The following ASB9 variants were observed in gnomAD, a reference collection of about 807,000 sequenced individuals.
ASB9 encodes ankyrin repeat and SOCS box protein 9.
A neutral mutation model predicts 16.6 loss-of-function variants in ASB9; 5 were observed. The observed-to-expected ratio is 0.30, with a 90% CI of 0.16 to 0.63. The LOEUF (loss-of-function observed/expected upper bound fraction) is 0.63, where lower values mean the gene tolerates loss of function less well. Ranked by LOEUF, ASB9 falls within the 30% of genes least tolerant of loss-of-function variation. The probability of loss-of-function intolerance (pLI) is 0.82; values close to 1 mark genes in which losing one functional copy is unlikely to be tolerated. For synonymous variants in ASB9, 100 were observed against 86.4 expected (o/e 1.16, Z -0.87); for missense variants, 216 against 229.4 (o/e 0.94, Z 0.38).
chrX:15,259,810 C>T (rs1925839202), intron 1 of ASB9, among the ~76,000 whole-genome samples: 1 of 112,510 alleles, frequency 8.9e-6, no homozygotes, highest in Non-Finnish European at 1.9e-5. Context: ...GTTTCATGCA[C>T]AAACTTATTT....
chrX:15,250,111 T>A (rs986259615), intron 5 of ASB9, among the ~76,000 whole-genome samples: 17 of 111,675 alleles, frequency 1.5e-4, no homozygotes, highest in African/African-American at 5.5e-4. Context: ...CAGGGCTTAA[T>A]AATGTGACTG....
At position 15,270,081 on chromosome X, in the gene ASB9, T is replaced by TACACACACACACACAC. The variant is rs370190376; in HGVS notation, c.-208_-207insGTGTGTGTGTGTGTGT. The TACACACACACACACAC allele has an allele frequency of 2.9e-3, 861 of 294,588 alleles. 8 individuals are homozygous for TACACACACACACACAC. Among genetic ancestry groups the TACACACACACACACAC allele is most frequent in the African/African-American group, 0.024 (793 of 32,537 alleles). The allele number at this position is 294,588 out of a possible 1,213,427, so 24.3% of individuals were successfully genotyped here. ...GATCAGAGAGAGGCATGCGCTCGTG[T>TACACACACACACACAC]ACACACACACACACACACACACACA... On this transcript the variant is annotated 5_prime_UTR_variant, in exon 1 of 7. Coordinates refer to ENST00000380488, the MANE Select transcript of ASB9 (RefSeq NM_001031739.3).
intron 6 of ASB9, among the ~76,000 whole-genome samples, chrX:15,246,347 T>C (rs982631857): frequency 3.6e-5 from 4 of 112,536 alleles, no homozygotes. Flanking sequence ...TTGCAGTCAC[T>C]TGCTGGCACC....
intron 4 of ASB9, among the ~76,000 whole-genome samples, chrX:15,251,755 T>G (rs13328524): frequency 8.9e-6 from 1 of 112,838 alleles, no homozygotes; most frequent in Non-Finnish European, 1.9e-5. Context: ...TCAAATACTT[T>G]CAAAAATTGA....
At chrX:15,265,455 A>T (rs190186232) in intron 1 of ASB9, among the ~76,000 whole-genome samples, 1 of 112,082 alleles carries the variant, frequency 8.9e-6, no homozygotes, top group African/African-American at 3.2e-5. Context: ...CTTTGAAATC[A>T]TCGCCCTTTC....
At chrX:15,254,225 C>A (rs1344449241) in intron 3 of ASB9, among the ~76,000 whole-genome samples, 1 of 112,381 alleles carries the variant, frequency 8.9e-6, no homozygotes, top group Non-Finnish European at 1.9e-5. Context: ...TGCTCACTAT[C>A]ATTTCTGGGA....
intron 3 of ASB9, among the ~76,000 whole-genome samples, chrX:15,254,511 A>G (rs1925378455): frequency 8.9e-6 from 1 of 112,426 alleles, no homozygotes; most frequent in Admixed American, 9.4e-5. Flanking sequence ...ATTTATTAGT[A>G]GTGTATGATA....
chrX:15,248,777 T>C lies in ASB9; in HGVS notation c.727A>G (p.Ser243Gly). 1.7e-6 allele frequency: 2 copies of C among 1,210,870 alleles called. No individual in the cohort carries two copies. Among genetic ancestry groups the C allele is most frequent in the Non-Finnish European group, 1.1e-6 (1 of 894,946 alleles). Residue 243 changes from serine to glycine, a missense_variant, in exon 6 of 7, where the codon AGC becomes GGC. Coordinates refer to ENST00000380488, the MANE Select transcript of ASB9 (RefSeq NM_001031739.3). Reference protein sequence around the residue: ...KRPVELVPPESPLAQLFLERE... With the variant: ...KRPVELVPPEGPLAQLFLERE... ...TCCAAGAAGAGCTGGGCCAAGGGGCTCTCTGGAGGCACCAGCTCCACAGGA... is the reference window on the plus strand; with the variant it reads ...TCCAAGAAGAGCTGGGCCAAGGGGCCCTCTGGAGGCACCAGCTCCACAGGA...
chrX:15,259,082 G>C, intron 1 of ASB9, 137 bp from the exon 2 acceptor site: 1 of 407,378 alleles, frequency 2.5e-6, no homozygotes, highest in Non-Finnish European at 4.4e-6. Flanking sequence ...ATTCCCATCA[G>C]GAATTCAGCA....
intron 6 of ASB9, among the ~76,000 whole-genome samples, chrX:15,247,703 T>G (rs1433128086): frequency 4.4e-5 from 5 of 112,522 alleles, no homozygotes; most frequent in Non-Finnish European, 9.4e-5. Context: ...AAAATGCAGA[T>G]AGAACTGCTC....
intron 1 of ASB9, 193 bp from the exon 2 acceptor site, chrX:15,259,138 G>A: frequency 2.9e-6 from 1 of 340,273 alleles, no homozygotes. Context: ...TGTTTGAAAT[G>A]TCTGGATAGC....
intron 6 of ASB9, among the ~76,000 whole-genome samples, chrX:15,245,226 G>A (rs990109566): frequency 9.0e-6 from 1 of 111,492 alleles, no homozygotes; most frequent in Admixed American, 9.6e-5. Context: ...TTCACAACTG[G>A]GAGGAGGCTC....
At chrX:15,246,259 T>G (rs1924658213) in intron 6 of ASB9, among the ~76,000 whole-genome samples, 1 of 112,007 alleles carries the variant, frequency 8.9e-6, no homozygotes, top group Non-Finnish European at 1.9e-5. Flanking sequence ...TGAATGCTGC[T>G]GTTTACTACA....
chrX:15,265,579 G>A (rs957298495), intron 1 of ASB9, among the ~76,000 whole-genome samples: 5 of 110,999 alleles, frequency 4.5e-5, no homozygotes, highest in African/African-American at 1.6e-4. Context: ...AGTTTGTTAT[G>A]AATGCAGATT....
Position 15,244,458 on chromosome X carries a change from A to T in ASB9, c.*48T>A. On this transcript the variant is annotated 3_prime_UTR_variant, in exon 7 of 7. Transcript: ENST00000380488. ...ATTTTAAAATTCTAGTGGCTACAAC[A>T]CTCAATAATGTTTTCACATCGTTTG... The T allele has an allele frequency of 8.7e-7, 1 of 1,154,294 alleles. No individual in the cohort carries two copies. The highest frequency in any genetic ancestry group is 1.2e-6 in the Non-Finnish European group (1 of 846,899).
At chrX:15,259,704 A>C (rs1247189962) in intron 1 of ASB9, among the ~76,000 whole-genome samples, 1 of 112,378 alleles carries the variant, frequency 8.9e-6, no homozygotes, top group Non-Finnish European at 1.9e-5. Flanking sequence ...TCCCAAATCC[A>C]AAATGCTCCA....
At chrX:15,264,705 C>A (rs1181329949) in intron 1 of ASB9, among the ~76,000 whole-genome samples, 1 of 111,704 alleles carries the variant, frequency 9.0e-6, no homozygotes, top group African/African-American at 3.3e-5. Context: ...TCTGAGTGTT[C>A]CCCATTCCAC....
chrX:15,244,728 A>G, intron 6 of ASB9, 98 bp from the exon 7 acceptor site: 3 of 934,884 alleles, frequency 3.2e-6, no homozygotes, highest in South Asian at 5.7e-5. Context: ...ACATTGTTAT[A>G]AGGAAATAAT....
intron 6 of ASB9, among the ~76,000 whole-genome samples, chrX:15,248,340 G>T (rs1218180940): frequency 5.3e-5 from 6 of 112,205 alleles, no homozygotes; most frequent in Non-Finnish European, 1.1e-4. Flanking sequence ...GAAACGAAGT[G>T]TCCAGTAGTC....
Sources: allele counts gnomAD v4.1 joint callset (sites outside exome capture counted in the v4.1 genomes callset), GRCh38; gene constraint gnomAD v4.1.1; transcripts MANE v1.5; gene names NCBI Gene and HGNC (gene_info 2026-07-23, HGNC 2026-07-21).